The following AIDA variants were observed in gnomAD, a reference collection of about 807,000 sequenced individuals.
AIDA encodes the protein axin interactor, dorsalization-associated protein.
In AIDA, 18 loss-of-function variants were observed where a neutral mutation model predicts 42.7. The observed-to-expected ratio is 0.42, with a 90% confidence interval of 0.29 to 0.63. The LOEUF (loss-of-function observed/expected upper bound fraction) is 0.63, where lower values mean the gene tolerates loss of function less well. AIDA is among the 20% of genes least tolerant of loss of function. The pLI, the probability that AIDA is intolerant of heterozygous loss-of-function variation, is 0.19. For synonymous variants in AIDA, 104 were observed against 122.9 expected, an observed-to-expected ratio of 0.85 and a Z score of 1.02; for missense variants, 250 against 354.1, an observed-to-expected ratio of 0.71 and a Z score of 2.36.
chr1:222,694,216 A>G lies in AIDA; in HGVS notation c.228T>C (p.Ala76=). The stretch of plus-strand genomic sequence containing the variant: ...GAAGAGAAAAACTCCTTACCTGTAA[A>G]GCTGCACTTCGCAATTCCAAGCATG... The part of the protein sequence containing the change: ...IATCLELRSA[A]LQSTQSQEEF... Residue 76 remains alanine, a synonymous_variant, in exon 3 of 10, where the codon GCT becomes GCC. Transcript: ENST00000340020. 6.2e-7 allele frequency: 1 copy of G among 1,611,654 alleles called. No individual in the cohort carries two copies.
At chr1:222,706,700 C>T (rs113105075) in intron 1 of AIDA, among the ~76,000 whole-genome samples, 3,246 of 151,854 alleles carry the variant, frequency 0.021, 50 homozygotes, top group Middle Eastern at 0.078. Context: ...GAAACCCTGT[C>T]TCTACAAAAA....
chr1:222,686,909 T>C, intron 6 of AIDA, 21 bp downstream of exon 6: 2 of 1,606,614 alleles, frequency 1.2e-6, no homozygotes, highest in Non-Finnish European at 1.7e-6. Context: ...ATAATGTTTA[T>C]TTTTAATAAG....
At chr1:222,676,067 A>AG (rs1223651634) in intron 7 of AIDA, 29 bp downstream of exon 7, 2 of 1,528,648 alleles carry the variant, frequency 1.3e-6, no homozygotes, top group Admixed American at 2.3e-5. Flanking sequence ...AATTCACCTG[A>AG]GAAAAAAAAA....
Position 222,703,174 on chromosome 1 carries a change from T to G in AIDA, c.154A>C (p.Asn52His). Residue 52 changes from asparagine to histidine, a missense_variant, in exon 2 of 10, where the codon AAT becomes CAT. By Grantham distance (68) the Asn-to-His change is moderately conservative. Coordinates refer to ENST00000340020, the MANE Select transcript of AIDA (RefSeq NM_022831.4). ...LQKEAQAQHN[N>H]SEFTEEQKKT... Reference sequence around the variant, plus strand: ...TTTTGTTCTTCTGTGAATTCAGAATTATTGTGTTGAGCTTGGGCCTCCTTT... The same window carrying G: ...TTTTGTTCTTCTGTGAATTCAGAATGATTGTGTTGAGCTTGGGCCTCCTTT... 1.2e-6 allele frequency: 2 copies of G among 1,609,926 alleles called. No individual in the cohort carries two copies. Among genetic ancestry groups the G allele is most frequent in the Non-Finnish European group, 1.7e-6 (2 of 1,178,546 alleles).
chr1:222,693,966 A>G, intron 3 of AIDA, 123 bp from the exon 4 acceptor site: 2 of 961,878 alleles, frequency 2.1e-6, no homozygotes, highest in South Asian at 1.9e-5. Context: ...GTAGAAAATG[A>G]AAAGTCCCAA....
chr1:222,688,734 G>T (rs1655267560), intron 4 of AIDA, among the ~76,000 whole-genome samples: 1 of 152,036 alleles, frequency 6.6e-6, no homozygotes, highest in African/African-American at 2.4e-5. Flanking sequence ...CGAGTAGCTA[G>T]GATTACAGGC....
chr1:222,680,102 C>T (rs907153698), intron 6 of AIDA, among the ~76,000 whole-genome samples: 1 of 152,170 alleles, frequency 6.6e-6, no homozygotes, highest in Non-Finnish European at 1.5e-5. Flanking sequence ...CATCTGCAGC[C>T]CCTGCAATGG....
chr1:222,678,328 A>AGTC (rs1664591454), intron 6 of AIDA, among the ~76,000 whole-genome samples: 1 of 151,856 alleles, frequency 6.6e-6, no homozygotes, highest in Non-Finnish European at 1.5e-5. Context: ...TAAGAATATT[A>AGTC]GTCGTTTGTC....
intron 6 of AIDA, among the ~76,000 whole-genome samples, chr1:222,685,918 G>A (rs1023292975): frequency 1.3e-5 from 2 of 152,206 alleles, no homozygotes; most frequent in Non-Finnish European, 2.9e-5. Flanking sequence ...CCAGCACTAT[G>A]AGAGGCTGAG....
At chr1:222,687,442 A>G (rs1235355055) in intron 5 of AIDA, among the ~76,000 whole-genome samples, 153 bp downstream of exon 5, 1 of 152,142 alleles carries the variant, frequency 6.6e-6, no homozygotes, top group African/African-American at 2.4e-5. Context: ...AAAAAATAAT[A>G]ATACTGAAAT....
rs372288042 is a variant in AIDA at position 222,687,019 on chromosome 1, C to T, written c.371G>A (p.Gly124Asp). 55 of 1,613,422 alleles carry T rather than the reference C, an allele frequency of 3.4e-5. No homozygotes were observed. The highest frequency in any genetic ancestry group is 4.7e-5 in the Non-Finnish European group (55 of 1,179,798). The change falls in exon 6 of 10, where the codon GGT becomes GAT. Residue 124 changes from glycine to aspartate, a missense_variant. Gly to Asp is a moderately conservative substitution (Grantham distance 94). This residue lies in a region of AIDA where 199 missense variants were observed against 232.6 expected (regional missense o/e 0.86). Transcript: ENST00000340020. ...PVPLRRILAPGEEENLEFEED... is the reference protein window; with the variant it reads ...PVPLRRILAPDEEENLEFEED... ...TTCAAATTCCAAATTCTCTTCTTCACCAGGTGCCAAAATTCTTCTACACAA... is the reference window on the plus strand; with the variant it reads ...TTCAAATTCCAAATTCTCTTCTTCATCAGGTGCCAAAATTCTTCTACACAA...
chr1:222,689,580 T>TATAC (rs1225069900), intron 4 of AIDA, among the ~76,000 whole-genome samples: 34 of 132,874 alleles, frequency 2.6e-4, no homozygotes, highest in Middle Eastern at 3.8e-3. Flanking sequence ...TATATATATA[T>TATAC]ACACACACAC....
chr1:222,704,131 A>T (rs1035480231), intron 1 of AIDA, among the ~76,000 whole-genome samples: 3 of 152,220 alleles, frequency 2.0e-5, no homozygotes, highest in African/African-American at 7.2e-5. Flanking sequence ...ACAATTTTTT[A>T]AAAAATGGAA....
intron 5 of AIDA, 115 bp from the exon 6 acceptor site, chr1:222,687,151 C>T (rs1655218477): frequency 4.7e-6 from 7 of 1,486,014 alleles, no homozygotes; most frequent in South Asian, 2.6e-5. Context: ...GCTGATAGGC[C>T]GGGTGTGGTG....
intron 4 of AIDA, among the ~76,000 whole-genome samples, chr1:222,690,951 C>T (rs901833658): frequency 6.6e-6 from 1 of 152,080 alleles, no homozygotes; most frequent in African/African-American, 2.4e-5. Flanking sequence ...AGTCTTTGCC[C>T]TCATATATGG....
At chr1:222,700,631 C>G (rs563948098) in intron 2 of AIDA, among the ~76,000 whole-genome samples, 1 of 151,632 alleles carries the variant, frequency 6.6e-6, no homozygotes, top group Non-Finnish European at 1.5e-5. Context: ...TGGCGGGCGC[C>G]TTAGTCCCAG....
At chr1:222,711,244 G>A (rs1202966372) in intron 1 of AIDA, 4 of 152,118 alleles carry the variant, frequency 2.6e-5, no homozygotes, top group Admixed American at 2.6e-4. Context: ...TCAGTAAAAT[G>A]TGCAAAAACC....
intron 6 of AIDA, among the ~76,000 whole-genome samples, chr1:222,677,621 A>G (rs924453934): frequency 5.9e-5 from 9 of 152,214 alleles, no homozygotes; most frequent in Non-Finnish European, 5.9e-5. Context: ...TAAAATCATG[A>G]AAGAAATTAG....
At chr1:222,680,212 A>G (rs1017089165) in intron 6 of AIDA, among the ~76,000 whole-genome samples, 3 of 152,194 alleles carry the variant, frequency 2.0e-5, no homozygotes, top group African/African-American at 7.2e-5. Context: ...TATGGCAGTA[A>G]GCAGTTAAGA....
Sources: gnomAD v4.1 joint callset for allele counts (sites outside exome capture counted in the v4.1 genomes callset) on GRCh38, gnomAD v4.1.1 for gene constraint, gnomAD v4.1.1 regional missense constraint, MANE v1.5 for transcripts, NCBI Gene and HGNC (gene_info 2026-07-23, HGNC 2026-07-21) for gene names.